CNTNAP2: variants seen among roughly 807,000 people sequenced by gnomAD.
CNTNAP2 encodes contactin-associated protein-like 2.
A neutral mutation model predicts 155.2 loss-of-function variants in CNTNAP2; 98 were observed. The observed-to-expected ratio is 0.63, with a 90% CI of 0.54 to 0.75. The LOEUF is 0.75. Among genes scored for constraint, CNTNAP2 ranks in the 30% least tolerant of loss-of-function variants. The pLI is 0.00. For missense variants in CNTNAP2, 1,727 were observed against 1,688.1 expected, an observed-to-expected ratio of 1.02 and a Z score of -0.40; for synonymous variants, 651 against 631.2, an observed-to-expected ratio of 1.03 and a Z score of -0.47.
chr7:148,382,829 C>T (rs1799096793), intron 21 of CNTNAP2, among the ~76,000 whole-genome samples: 1 of 152,202 alleles, frequency 6.6e-6, no homozygotes, highest in African/African-American at 2.4e-5. Flanking sequence ...GGCTCTTAAG[C>T]ATTTAAGGAC....
chr7:148,266,957 AT>A (rs1314810535), intron 20 of CNTNAP2, 75 bp from the exon 21 acceptor site: 1 of 1,328,400 alleles, frequency 7.5e-7, no homozygotes, highest in Non-Finnish European at 1.1e-6. Context: ...GAGTGATGTC[AT>A]CCCCACAGGG....
intron 4 of CNTNAP2, among the ~76,000 whole-genome samples, chr7:147,050,277 C>A (rs920610540): frequency 1.3e-5 from 2 of 152,146 alleles, no homozygotes; most frequent in African/African-American, 4.8e-5. Flanking sequence ...TTTATGGCTG[C>A]ATTACTCAAA....
chr7:146,665,659 T>TG (rs1198533767), intron 1 of CNTNAP2, among the ~76,000 whole-genome samples: 1 of 151,446 alleles, frequency 6.6e-6, no homozygotes, highest in Non-Finnish European at 1.5e-5. Flanking sequence ...CGCATGCCTG[T>TG]AGTCCCAGCT....
chr7:147,228,674 T>A (rs1584805693), intron 8 of CNTNAP2, among the ~76,000 whole-genome samples: 1 of 152,340 alleles, frequency 6.6e-6, no homozygotes, highest in East Asian at 1.9e-4. Context: ...TTTTTTATTA[T>A]ACTTTAAGTT....
At chr7:148,355,225 A>G (rs1296573244) in intron 21 of CNTNAP2, among the ~76,000 whole-genome samples, 1 of 104,660 alleles carries the variant, frequency 9.6e-6, no homozygotes, top group African/African-American at 3.8e-5. Context: ...TCTGTCGCCC[A>G]GGCTGGAGTG....
At chr7:146,178,600 A>C (rs1369556549) in intron 1 of CNTNAP2, among the ~76,000 whole-genome samples, 1 of 152,134 alleles carries the variant, frequency 6.6e-6, no homozygotes, top group African/African-American at 2.4e-5. Flanking sequence ...TCCAGTGTGC[A>C]ATTCTGTGTG....
intron 15 of CNTNAP2, among the ~76,000 whole-genome samples, chr7:147,978,357 C>T (rs193298532): frequency 1.1e-3 from 169 of 152,004 alleles, no homozygotes; most frequent in Admixed American, 2.2e-3. Context: ...CACCATAAAC[C>T]GAGTTTATGG....
At chr7:147,115,742 A>G (rs1387414539) in intron 5 of CNTNAP2, among the ~76,000 whole-genome samples, 3 of 152,050 alleles carry the variant, frequency 2.0e-5, no homozygotes, top group Non-Finnish European at 2.9e-5. Flanking sequence ...GCTTCTCTGC[A>G]TGGGGTACAA....
chr7:148,151,728 CT>C (rs1328123407), intron 17 of CNTNAP2, among the ~76,000 whole-genome samples: 2 of 152,198 alleles, frequency 1.3e-5, no homozygotes, highest in African/African-American at 4.8e-5. Flanking sequence ...CTCATTACTT[CT>C]TTCTTGAAAT....
chr7:146,625,892 A>G (rs1799411740), intron 1 of CNTNAP2, among the ~76,000 whole-genome samples: 1 of 152,110 alleles, frequency 6.6e-6, no homozygotes, highest in African/African-American at 2.4e-5. Context: ...TTGAAGCTGT[A>G]AAAGAACCCT....
chr7:147,840,709 A>G (rs1156937411), intron 13 of CNTNAP2, among the ~76,000 whole-genome samples: 2 of 152,198 alleles, frequency 1.3e-5, no homozygotes, highest in South Asian at 2.1e-4. Context: ...AAAGAATTGA[A>G]TGTAATCCAG....
intron 3 of CNTNAP2, among the ~76,000 whole-genome samples, chr7:146,912,293 T>A (rs1307907455): frequency 6.6e-6 from 1 of 150,752 alleles, no homozygotes; most frequent in Non-Finnish European, 1.5e-5. Context: ...CTTTTGACAA[T>A]GTAATTCTGT....
intron 3 of CNTNAP2, among the ~76,000 whole-genome samples, chr7:146,927,890 G>C (rs776018640): frequency 8.6e-5 from 13 of 151,184 alleles, no homozygotes; most frequent in African/African-American, 2.9e-4. Context: ...TTTCTATAGA[G>C]AGAGTGTGTG....
At chr7:147,106,539 G>T (rs1800769858) in intron 4 of CNTNAP2, among the ~76,000 whole-genome samples, 1 of 152,006 alleles carries the variant, frequency 6.6e-6, no homozygotes, top group African/African-American at 2.4e-5. Context: ...GGGCAATAAA[G>T]AGCTGATTAT....
intron 3 of CNTNAP2, among the ~76,000 whole-genome samples, chr7:146,857,758 A>G (rs1172212694): frequency 1.3e-5 from 2 of 152,170 alleles, no homozygotes; most frequent in Non-Finnish European, 2.9e-5. Flanking sequence ...AGTGTTATCT[A>G]GGACTATTCC....
chr7:146,624,959 A>G (rs1485525344), intron 1 of CNTNAP2, among the ~76,000 whole-genome samples: 1 of 151,990 alleles, frequency 6.6e-6, no homozygotes, highest in Non-Finnish European at 1.5e-5. Context: ...TAAATTATGT[A>G]GGTCCAGAAG....
chr7:147,617,863 A>G (rs370413381), intron 12 of CNTNAP2, among the ~76,000 whole-genome samples: 8 of 152,310 alleles, frequency 5.3e-5, no homozygotes, highest in African/African-American at 1.9e-4. Context: ...ATAAGAATAT[A>G]GCTTCCTTTA....
intron 12 of CNTNAP2, among the ~76,000 whole-genome samples, chr7:147,595,575 G>A (rs1800812645): frequency 6.6e-6 from 1 of 152,180 alleles, no homozygotes; most frequent in Non-Finnish European, 1.5e-5. Context: ...TTCGATGGAA[G>A]CAAATGATCT....
At chr7:146,157,082 T>C (rs767194809) in intron 1 of CNTNAP2, among the ~76,000 whole-genome samples, 5 of 152,190 alleles carry the variant, frequency 3.3e-5, no homozygotes, top group Non-Finnish European at 7.3e-5. Flanking sequence ...ATAGTATGTA[T>C]GATTCCTCAA....
Sources: allele counts gnomAD v4.1 joint callset (sites outside exome capture counted in the v4.1 genomes callset), GRCh38; gene constraint gnomAD v4.1.1; transcripts MANE v1.5; gene names NCBI Gene and HGNC (gene_info 2026-07-23, HGNC 2026-07-21).